CRPPA: variants seen among roughly 807,000 people sequenced by gnomAD.
CRPPA encodes CDP-L-ribitol pyrophosphorylase A.
A neutral mutation model predicts 52.0 loss-of-function variants in CRPPA; 43 were observed. The observed-to-expected ratio is 0.83, with a 90% CI of 0.65 to 1.07. The LOEUF (loss-of-function observed/expected upper bound fraction) is 1.07, where lower values mean the gene tolerates loss of function less well. Among genes scored for constraint, CRPPA ranks in the 50% least tolerant of loss-of-function variants. CRPPA has a pLI of 0.00. For missense variants in CRPPA, 629 were observed against 551.7 expected (o/e 1.14, Z -1.40); for synonymous variants, 250 against 203.5 (o/e 1.23, Z -1.94).
intron 6 of CRPPA, among the ~76,000 whole-genome samples, chr7:16,263,779 T>C (rs568141504): frequency 6.6e-6 from 1 of 151,730 alleles, no homozygotes; most frequent in South Asian, 2.1e-4. Context: ...GAATGTACAA[T>C]ATAGATATAT....
At chr7:16,201,720 T>C (rs2128393733) in intron 9 of CRPPA, among the ~76,000 whole-genome samples, 1 of 152,322 alleles carries the variant, frequency 6.6e-6, no homozygotes, top group Non-Finnish European at 1.5e-5. Context: ...TAAAGGGCTG[T>C]AACACTCTTG....
At chr7:16,092,091 CCTTTGGCT>C (rs1781849280) in intron 9 of CRPPA, among the ~76,000 whole-genome samples, 1 of 152,184 alleles carries the variant, frequency 6.6e-6, no homozygotes, top group Admixed American at 6.5e-5. Context: ...TTTCTGACAA[CCTTTGGCT>C]CTTCACTGAA....
intron 5 of CRPPA, among the ~76,000 whole-genome samples, chr7:16,294,085 C>T (rs1784620713): frequency 6.6e-6 from 1 of 151,374 alleles, no homozygotes; most frequent in Non-Finnish European, 1.5e-5. Flanking sequence ...CAATACCATA[C>T]TTTTTTTTTC....
At chr7:16,402,292 A>G (rs1419274058) in intron 2 of CRPPA, among the ~76,000 whole-genome samples, 2 of 152,210 alleles carry the variant, frequency 1.3e-5, no homozygotes, top group Non-Finnish European at 2.9e-5. Context: ...CAGAATCTAT[A>G]AAACTTCAAG....
intron 3 of CRPPA, among the ~76,000 whole-genome samples, chr7:16,370,711 C>A (rs2128311059): frequency 6.6e-6 from 1 of 152,246 alleles, no homozygotes; most frequent in East Asian, 1.9e-4. Context: ...TGCACCTCTA[C>A]ACCAACAGGC....
At chr7:16,373,229 G>A (rs1190090479) in intron 3 of CRPPA, among the ~76,000 whole-genome samples, 1 of 152,090 alleles carries the variant, frequency 6.6e-6, no homozygotes, top group Non-Finnish European at 1.5e-5. Context: ...CCAGGAGGCA[G>A]ATGTTGCAGT....
chr7:16,259,267 A>G (rs1783730322), intron 6 of CRPPA, among the ~76,000 whole-genome samples: 1 of 151,976 alleles, frequency 6.6e-6, no homozygotes, highest in Admixed American at 6.6e-5. Flanking sequence ...ACATAAACAG[A>G]ATATATTCTG....
intron 9 of CRPPA, among the ~76,000 whole-genome samples, chr7:16,104,571 G>T (rs539640310): frequency 1.3e-5 from 2 of 152,168 alleles, no homozygotes; most frequent in African/African-American, 2.4e-5. Flanking sequence ...TGTGTCAGAA[G>T]AGTTCATGTG....
At chr7:16,347,918 GA>G (rs534194183) in intron 3 of CRPPA, among the ~76,000 whole-genome samples, 1 of 151,712 alleles carries the variant, frequency 6.6e-6, no homozygotes, top group Non-Finnish European at 1.5e-5. Flanking sequence ...CAGACCACAG[GA>G]AAAAAAATGG....
chr7:16,143,504 C>T (rs1440240872), intron 9 of CRPPA, among the ~76,000 whole-genome samples: 3 of 152,176 alleles, frequency 2.0e-5, no homozygotes, highest in Non-Finnish European at 2.9e-5. Flanking sequence ...CCAACAAGGT[C>T]ACTGCCTGTA....
intron 3 of CRPPA, among the ~76,000 whole-genome samples, chr7:16,321,413 T>C (rs1785262049): frequency 6.6e-6 from 1 of 152,098 alleles, no homozygotes; most frequent in African/African-American, 2.4e-5. Context: ...TGAGTAGATA[T>C]ATCACATGTG....
intron 8 of CRPPA, among the ~76,000 whole-genome samples, chr7:16,228,165 T>C (rs1307999204): frequency 6.6e-6 from 1 of 151,892 alleles, no homozygotes; most frequent in African/African-American, 2.4e-5. Context: ...AGTCAGGTAA[T>C]GTGATTCCCT....
intron 9 of CRPPA, among the ~76,000 whole-genome samples, chr7:16,214,051 A>C (rs1036224528): frequency 6.6e-6 from 1 of 152,236 alleles, no homozygotes; most frequent in Admixed American, 6.5e-5. Context: ...AGCCAATAAT[A>C]TAATCCATAA....
At chr7:16,176,920 G>A (rs1025170275) in intron 9 of CRPPA, among the ~76,000 whole-genome samples, 1 of 152,048 alleles carries the variant, frequency 6.6e-6, no homozygotes, top group Non-Finnish European at 1.5e-5. Context: ...ATCCTCCTAT[G>A]GGTTGAGTAA....
At chr7:16,307,539 G>T (rs1031678884) in intron 4 of CRPPA, among the ~76,000 whole-genome samples, 1 of 151,720 alleles carries the variant, frequency 6.6e-6, no homozygotes, top group East Asian at 1.9e-4. Context: ...AAAATTAGCC[G>T]GGTGGTGGTA....
At chr7:16,317,607 T>A (rs1005863075) in intron 3 of CRPPA, among the ~76,000 whole-genome samples, 1 of 152,152 alleles carries the variant, frequency 6.6e-6, no homozygotes, top group African/African-American at 2.4e-5. Flanking sequence ...TGTGGCTAAG[T>A]AACATTCCAG....
At chr7:16,287,287 T>C (rs1026045546) in intron 5 of CRPPA, among the ~76,000 whole-genome samples, 10 of 152,198 alleles carry the variant, frequency 6.6e-5, no homozygotes, top group African/African-American at 2.4e-4. Flanking sequence ...TGTGTTTTGA[T>C]TTTACTTTGA....
chr7:16,102,183 C>A (rs1273146092), intron 9 of CRPPA, among the ~76,000 whole-genome samples: 1 of 151,988 alleles, frequency 6.6e-6, no homozygotes, highest in African/African-American at 2.4e-5. Context: ...CTTTCACCAA[C>A]CTGACAAAAA....
intron 3 of CRPPA, among the ~76,000 whole-genome samples, chr7:16,319,152 T>C (rs1223324745): frequency 6.6e-6 from 1 of 152,196 alleles, no homozygotes; most frequent in Non-Finnish European, 1.5e-5. Flanking sequence ...TTGTTTCCTA[T>C]ACAACTCTGT....
Sources: gnomAD v4.1 joint callset for allele counts (sites outside exome capture counted in the v4.1 genomes callset) on GRCh38, gnomAD v4.1.1 for gene constraint, MANE v1.5 for transcripts, NCBI Gene and HGNC (gene_info 2026-07-23, HGNC 2026-07-21) for gene names.